Variants in EYS observed in about 807,000 individuals in gnomAD.
The protein encoded by EYS is EGF-like photoreceptor maintenance factor, also known as protein eyes shut homolog.
A neutral mutation model predicts 282.1 loss-of-function variants in EYS; 250 were observed. That is an observed-to-expected ratio of 0.89 (90% confidence interval 0.80 to 0.98). The LOEUF (loss-of-function observed/expected upper bound fraction) is 0.98, where lower values mean the gene tolerates loss of function less well. Ranked by LOEUF, EYS falls within the 50% of genes least tolerant of loss-of-function variation. The pLI is 0.00. For synonymous variants in EYS, 1,355 were observed against 1,282.9 expected (o/e 1.06, Z -1.20); for missense variants, 4,016 against 3,709.0 (o/e 1.08, Z -2.15).
intron 26 of EYS, among the ~76,000 whole-genome samples, chr6:64,578,031 C>T (rs62415801): frequency 0.098 from 14,977 of 152,104 alleles, 918 homozygotes; most frequent in East Asian, 0.17. Flanking sequence ...AGCTTTCATG[C>T]TGACAGACTA....
chr6:65,208,754 CATAA>C (rs1766099287), intron 12 of EYS, among the ~76,000 whole-genome samples: 1 of 151,392 alleles, frequency 6.6e-6, no homozygotes, highest in African/African-American at 2.4e-5. Flanking sequence ...ACAATGGGAA[CATAA>C]AGATGGAAAT....
chr6:64,849,762 GC>G (rs1765824385), intron 19 of EYS, among the ~76,000 whole-genome samples: 1 of 151,748 alleles, frequency 6.6e-6, no homozygotes, highest in African/African-American at 2.4e-5. Flanking sequence ...ACCCTTTGTT[GC>G]TAGAGGCAAC....
At chr6:64,495,332 C>T (rs1776856053) in intron 26 of EYS, among the ~76,000 whole-genome samples, 1 of 151,732 alleles carries the variant, frequency 6.6e-6, no homozygotes, top group East Asian at 1.9e-4. Context: ...GTCACATATC[C>T]TAAAGTCATA....
intron 22 of EYS, among the ~76,000 whole-genome samples, chr6:64,628,113 A>C (rs1302650523): frequency 6.6e-6 from 1 of 151,948 alleles, no homozygotes; most frequent in South Asian, 2.1e-4. Context: ...CAAACAAACA[A>C]AGACTTGTTT....
At chr6:65,427,997 A>G (rs1010924516) in intron 5 of EYS, among the ~76,000 whole-genome samples, 1 of 152,084 alleles carries the variant, frequency 6.6e-6, no homozygotes, top group African/African-American at 2.4e-5. Flanking sequence ...AATAAAATGT[A>G]AATTTAAAAT....
chr6:65,009,082 C>A (rs568516856), intron 13 of EYS, among the ~76,000 whole-genome samples: 4 of 152,112 alleles, frequency 2.6e-5, no homozygotes, highest in African/African-American at 7.2e-5. Flanking sequence ...AAGGAACACC[C>A]GTTGGTTGTC....
At chr6:65,670,584 T>C (rs1389809117) in intron 1 of EYS, among the ~76,000 whole-genome samples, 1 of 152,066 alleles carries the variant, frequency 6.6e-6, no homozygotes. Context: ...ACTCTATTAA[T>C]AGCTTATTAC....
intron 22 of EYS, among the ~76,000 whole-genome samples, chr6:64,662,241 G>A (rs1300287923): frequency 8.9e-6 from 1 of 112,826 alleles, no homozygotes; most frequent in Non-Finnish European, 1.7e-5. Flanking sequence ...TGTGGGGTGG[G>A]GGGAGGGGGG....
rs532891745 is a variant in EYS, at chr6:65,565,868, T to A, written c.-332-69875A>T. ...CAGGAACAGAAAACCAAACACCACA[T>A]GTTCTCACTCATAAGTGGGAGTTGA... is the stretch of plus-strand genomic sequence containing the variant. On this transcript the variant is annotated intron_variant, in intron 2 of 42. Transcript: ENST00000503581. 3.9e-5 allele frequency among the ~76,000 whole-genome samples: 6 copies of A among 152,152 alleles called. No individual in the cohort carries two copies. In the South Asian group the frequency reaches 1.2e-3, roughly 32 times the overall value.
At chr6:64,831,141 C>T (rs1287740713) in intron 19 of EYS, among the ~76,000 whole-genome samples, 1 of 151,988 alleles carries the variant, frequency 6.6e-6, no homozygotes, top group African/African-American at 2.4e-5. Flanking sequence ...TGATAACTCA[C>T]CTACATGTAA....
In EYS at chr6:65,120,460, C is replaced by CAAAA. The variant is rs67505285; in HGVS notation, c.2024-62737_2024-62734dup. 5.9e-3 allele frequency among the ~76,000 whole-genome samples: 403 copies of CAAAA among 68,236 alleles called. 21 individuals carry two copies. Among genetic ancestry groups the CAAAA allele is most frequent in the African/African-American group, 0.021 (355 of 16,718 alleles). The allele number at this position is 68,236 out of a possible 152,430, so 44.8% of individuals were successfully genotyped here. A position where few individuals can be genotyped will look rare whatever the true frequency, so the allele number is the denominator to read the frequency against. The stretch of plus-strand genomic sequence containing the variant: ...ACATTACTCTTTTTCTTTAAATAAG[C>CAAAA]AAAAAAAAAAAAAAAAAAAAAAAAT... On this transcript the variant is annotated intron_variant, in intron 12 of 42. Coordinates refer to ENST00000503581, the MANE Select transcript of EYS (RefSeq NM_001142800.2).
intron 35 of EYS, among the ~76,000 whole-genome samples, chr6:63,951,922 C>T (rs1236751419): frequency 2.0e-5 from 3 of 152,150 alleles, no homozygotes; most frequent in African/African-American, 7.2e-5. Flanking sequence ...CCATTTTATT[C>T]TCAATATGCA....
At chr6:64,198,898 G>A (rs1236491079) in intron 31 of EYS, among the ~76,000 whole-genome samples, 1 of 152,066 alleles carries the variant, frequency 6.6e-6, no homozygotes, top group Non-Finnish European at 1.5e-5. Context: ...TGAGGAATTG[G>A]CACACTGTCT....
rs1764856171 is a variant in EYS, at chr6:65,462,428, T to G, written c.862+28166A>C. Among the ~76,000 whole-genome samples the G allele has an allele frequency of 3.9e-5, 6 of 152,120 alleles. No homozygotes were observed. The South Asian group carries it at 1.2e-3, about 31-fold the overall frequency. ...TTATGTGTAAAGATTCATAGAACTC[T>G]GCACACACACAGAATCAATTTTGGG... is the stretch of plus-strand genomic sequence containing the variant. On this transcript the variant is annotated intron_variant, in intron 5 of 42. Coordinates refer to ENST00000503581, the MANE Select transcript of EYS (RefSeq NM_001142800.2).
chr6:64,829,060 G>A (rs1765140018), intron 19 of EYS, among the ~76,000 whole-genome samples: 1 of 149,468 alleles, frequency 6.7e-6, no homozygotes, highest in South Asian at 2.1e-4. Flanking sequence ...TGGAGTTATA[G>A]GTAGTGGCAA....
At chr6:64,560,732 A>T (rs1582895420) in intron 26 of EYS, among the ~76,000 whole-genome samples, 1 of 152,172 alleles carries the variant, frequency 6.6e-6, no homozygotes, top group Admixed American at 6.5e-5. Flanking sequence ...TTTGTTATAT[A>T]AAAATAGGTG....
At chr6:64,772,213 A>T (rs1273239603) in intron 22 of EYS, among the ~76,000 whole-genome samples, 2 of 151,706 alleles carry the variant, frequency 1.3e-5, no homozygotes, top group African/African-American at 4.8e-5. Context: ...GTAGACTTTC[A>T]TACATTCTCT....
intron 12 of EYS, among the ~76,000 whole-genome samples, chr6:65,276,461 C>T (rs111453975): frequency 0.013 from 1,920 of 151,748 alleles, 37 homozygotes; most frequent in African/African-American, 0.043. Flanking sequence ...CACTGGGTCA[C>T]TTAGAACTCC....
chr6:64,738,430 C>T (rs776249431), intron 22 of EYS, among the ~76,000 whole-genome samples: 3 of 152,158 alleles, frequency 2.0e-5, no homozygotes, highest in Non-Finnish European at 2.9e-5. Flanking sequence ...GATGTTGGTG[C>T]CATGCTTGTA....
Sources: gnomAD v4.1 joint callset for allele counts (sites outside exome capture counted in the v4.1 genomes callset) on GRCh38, gnomAD v4.1.1 for gene constraint, MANE v1.5 for transcripts, NCBI Gene and HGNC (gene_info 2026-07-23, HGNC 2026-07-21) for gene names.